The following ATOSA variants were observed in gnomAD, a reference collection of about 807,000 sequenced individuals.
ATOSA encodes the protein atos homolog protein A.
At chr15:52,700,794 A>G in the ATOSA span, among the ~76,000 whole-genome samples, 1 of 152,212 alleles carries the variant, frequency 6.6e-6, no homozygotes, top group Non-Finnish European at 1.5e-5. Flanking sequence ...GTAATTTCTG[A>G]TTCAGTTTTT....
At chr15:52,654,210 T>C in the ATOSA span, among the ~76,000 whole-genome samples, 2 of 152,236 alleles carry the variant, frequency 1.3e-5, no homozygotes, top group East Asian at 3.9e-4. Context: ...ACATTAAATG[T>C]ATTTAGTCAC....
chr15:52,605,245 C>T, the ATOSA span: 1 of 1,572,058 alleles, frequency 6.4e-7, no homozygotes, highest in South Asian at 1.2e-5. Flanking sequence ...CAGTGTAGTC[C>T]TCTGTTAGGA....
the ATOSA span, among the ~76,000 whole-genome samples, chr15:52,647,743 C>A: frequency 6.6e-6 from 1 of 152,144 alleles, no homozygotes; most frequent in Admixed American, 6.5e-5. Flanking sequence ...CACGAGTGTA[C>A]ATACACACAC....
chr15:52,626,119 A>G, the ATOSA span, among the ~76,000 whole-genome samples: 1 of 152,310 alleles, frequency 6.6e-6, no homozygotes, highest in African/African-American at 2.4e-5. Flanking sequence ...ATCTTTCCCC[A>G]TTAGGATTCT....
chr15:52,667,595 T>A, the ATOSA span, among the ~76,000 whole-genome samples: 1 of 152,230 alleles, frequency 6.6e-6, no homozygotes, highest in African/African-American at 2.4e-5. Flanking sequence ...GGCCTTGGTT[T>A]GTAGCACTGC....
At chr15:52,586,893 G>T in the ATOSA span, 1 of 440,758 alleles carries the variant, frequency 2.3e-6, no homozygotes, top group Non-Finnish European at 3.7e-6. Flanking sequence ...AATATGTATT[G>T]AAGAGTCCTA....
the ATOSA span, among the ~76,000 whole-genome samples, chr15:52,688,701 A>G: frequency 2.0e-5 from 3 of 152,230 alleles, no homozygotes; most frequent in African/African-American, 7.2e-5. Context: ...ATCTGAAGGT[A>G]TAGTACTGAG....
the ATOSA span, among the ~76,000 whole-genome samples, chr15:52,674,297 C>A: frequency 6.6e-6 from 1 of 152,054 alleles, no homozygotes; most frequent in African/African-American, 2.4e-5. Context: ...GCAATCAACC[C>A]TCCTCGGGCT....
chr15:52,693,742 G>C, the ATOSA span, among the ~76,000 whole-genome samples: 3 of 152,116 alleles, frequency 2.0e-5, no homozygotes. Context: ...TTTTCTAATG[G>C]AGTTTAACAA....
the ATOSA span, among the ~76,000 whole-genome samples, chr15:52,639,846 G>A: frequency 0.01 from 1,536 of 152,132 alleles, 25 homozygotes; most frequent in African/African-American, 0.036. Flanking sequence ...CAACTTCTGG[G>A]TTCAAGTGGT....
the ATOSA span, among the ~76,000 whole-genome samples, chr15:52,618,973 A>G: frequency 3.0e-4 from 45 of 152,230 alleles, no homozygotes; most frequent in African/African-American, 1.1e-3. Context: ...GACTTACTGA[A>G]CTTAGTGTGT....
the ATOSA span, among the ~76,000 whole-genome samples, chr15:52,673,232 G>A: frequency 6.6e-6 from 1 of 152,186 alleles, no homozygotes; most frequent in Non-Finnish European, 1.5e-5. Context: ...TAAAGATAAA[G>A]CTGAGGCAGA....
the ATOSA span, among the ~76,000 whole-genome samples, chr15:52,628,721 T>C: frequency 6.6e-6 from 1 of 152,186 alleles, no homozygotes; most frequent in East Asian, 1.9e-4. Flanking sequence ...GACAAAGAAA[T>C]GAATATGTCA....
At chr15:52,709,678 C>T in the ATOSA span, 4 of 152,734 alleles carry the variant, frequency 2.6e-5, no homozygotes, top group East Asian at 1.9e-4. Flanking sequence ...CTCTTATCTC[C>T]TTAGTGCCAT....
chr15:52,674,227 T>C, the ATOSA span, among the ~76,000 whole-genome samples: 1 of 152,168 alleles, frequency 6.6e-6, no homozygotes, highest in Non-Finnish European at 1.5e-5. Flanking sequence ...TTATTTATTT[T>C]TAAATAGAGA....
the ATOSA span, among the ~76,000 whole-genome samples, chr15:52,664,375 T>C: frequency 2.0e-5 from 3 of 152,228 alleles, no homozygotes; most frequent in South Asian, 6.2e-4. Flanking sequence ...ACAACTTGTT[T>C]TCGTAGAAAG....
chr15:52,701,388 A>G, the ATOSA span, among the ~76,000 whole-genome samples: 1 of 152,214 alleles, frequency 6.6e-6, no homozygotes, highest in East Asian at 1.9e-4. Flanking sequence ...GCAATGAGCC[A>G]TAATGGTGCC....
At chr15:52,606,643 C>T in the ATOSA span, among the ~76,000 whole-genome samples, 1 of 152,130 alleles carries the variant, frequency 6.6e-6, no homozygotes, top group South Asian at 2.1e-4. Context: ...AGATTTAAGC[C>T]TCCCTATTAG....
chr15:52,581,583 T>C, the ATOSA span: 29 of 152,564 alleles, frequency 1.9e-4, no homozygotes, highest in Non-Finnish European at 1.0e-4. Context: ...AGGACTACTA[T>C]GTGAGATAGC....
Sources: allele counts gnomAD v4.1 joint callset (sites outside exome capture counted in the v4.1 genomes callset), GRCh38; gene constraint gnomAD v4.1.1; transcripts MANE v1.5; gene names NCBI Gene and HGNC (gene_info 2026-07-23, HGNC 2026-07-21).